ZMYND8: variants seen among roughly 807,000 people sequenced by gnomAD.
ZMYND8 encodes the protein zinc finger MYND-type containing 8.
Under a neutral mutation model 140.8 loss-of-function variants are expected in ZMYND8, and 37 were observed. The observed-to-expected ratio is 0.26, with a 90% CI of 0.20 to 0.35. ZMYND8 has a LOEUF of 0.35. Among genes scored for constraint, ZMYND8 ranks in the 10% least tolerant of loss-of-function variants. ZMYND8 has a pLI of 1.00. For synonymous variants in ZMYND8, 592 were observed against 597.1 expected (o/e 0.99, Z 0.12); for missense variants, 1,068 against 1,570.0 (o/e 0.68, Z 5.40).
chr20:47,210,512 T>C lies in ZMYND8; in HGVS notation c.*249A>G. On this transcript the variant is annotated 3_prime_UTR_variant, in exon 23 of 23. Transcript: ENST00000471951. ...AAAGGGGAAAGTCCTCTAGATTCAATGACATCCACAAATTGTACATTATTT... is the reference window on the plus strand; with the variant it reads ...AAAGGGGAAAGTCCTCTAGATTCAACGACATCCACAAATTGTACATTATTT... 1 of 416,376 alleles carries C rather than the reference T, an allele frequency of 2.4e-6. No homozygotes were observed. The highest frequency in any genetic ancestry group is 4.4e-6 in the Non-Finnish European group (1 of 228,046). 25.8% of individuals were successfully genotyped at this position (416,376 alleles called of 1,614,324 possible).
chr20:47,313,436 C>T (rs1006450930), intron 2 of ZMYND8, among the ~76,000 whole-genome samples: 3 of 151,296 alleles, frequency 2.0e-5, no homozygotes, highest in Non-Finnish European at 4.4e-5. Context: ...TCCTGGCTAA[C>T]ATGGTGAAAC....
intron 12 of ZMYND8, among the ~76,000 whole-genome samples, chr20:47,251,243 G>C (rs1288894432): frequency 6.6e-6 from 1 of 152,112 alleles, no homozygotes; most frequent in Admixed American, 6.6e-5. Flanking sequence ...ACTAGAGACA[G>C]GACTGCAGAC....
chr20:47,273,183 G>A (rs56238978), intron 11 of ZMYND8, among the ~76,000 whole-genome samples: 7 of 152,352 alleles, frequency 4.6e-5, no homozygotes, highest in Non-Finnish European at 7.4e-5. Flanking sequence ...ACCTGTTCCT[G>A]AGGGGCCTGC....
chr20:47,330,985 A>G (rs893165079), intron 2 of ZMYND8, among the ~76,000 whole-genome samples: 3 of 152,234 alleles, frequency 2.0e-5, no homozygotes, highest in African/African-American at 7.2e-5. Context: ...GGGGACCTTC[A>G]AGGTATGGGC....
intron 14 of ZMYND8, 93 bp downstream of exon 14, chr20:47,245,915 T>C: frequency 1.3e-6 from 2 of 1,500,484 alleles, no homozygotes; most frequent in African/African-American, 2.8e-5. Context: ...TTCTGATTTG[T>C]TTCTTTAAGG....
At chr20:47,274,352 T>C (rs571716357) in intron 11 of ZMYND8, among the ~76,000 whole-genome samples, 3 of 152,368 alleles carry the variant, frequency 2.0e-5, no homozygotes, top group African/African-American at 7.2e-5. Context: ...GCATTACAAT[T>C]TTCATATTTA....
At chr20:47,265,682 A>T (rs2075469384) in intron 11 of ZMYND8, among the ~76,000 whole-genome samples, 1 of 152,106 alleles carries the variant, frequency 6.6e-6, no homozygotes, top group Admixed American at 6.6e-5. Flanking sequence ...ACCTCAGGTG[A>T]CCCACCCACC....
rs760894959 is a variant in ZMYND8, at chr20:47,276,491, C to T, written c.1303G>A (p.Val435Met). The T allele has an allele frequency of 6.2e-7, 1 of 1,613,974 alleles. No individual in the cohort carries two copies. The highest frequency in any genetic ancestry group is 8.5e-7 in the Non-Finnish European group (1 of 1,180,030). ...CGGCGGCCTGTGCCCCCACTCAGCA[C>T]AGGCTTGCTCATCAGGATCTTGGGG... ...ASPKILMSKP[V>M]LSGGTGRRIS... Residue 435 changes from valine to methionine, a missense_variant, in exon 11 of 23, where the codon GTG becomes ATG. By Grantham distance (21) the Val-to-Met change is conservative. This residue lies in a region of ZMYND8 where 173 missense variants were observed against 223.3 expected (regional missense o/e 0.77). Transcript: ENST00000471951.
intron 8 of ZMYND8, chr20:47,285,937 TCC>T (rs2076892055): frequency 9.8e-6 from 7 of 716,816 alleles, no homozygotes; most frequent in Non-Finnish European, 1.2e-5. Flanking sequence ...AGGCCTATAT[TCC>T]CAGCGTCTTT....
chr20:47,310,309 C>T, intron 2 of ZMYND8, 105 bp from the exon 3 acceptor site: 6 of 1,341,594 alleles, frequency 4.5e-6, no homozygotes, highest in Non-Finnish European at 5.1e-6. Flanking sequence ...TGCATTCTGT[C>T]CCCCAACTCC....
chr20:47,292,570 T>C (rs984289652), intron 5 of ZMYND8, among the ~76,000 whole-genome samples: 7 of 152,162 alleles, frequency 4.6e-5, no homozygotes, highest in African/African-American at 1.7e-4. Context: ...TATCATCTCT[T>C]CAAAATTTCA....
At chr20:47,251,392 G>A (rs946491957) in intron 12 of ZMYND8, among the ~76,000 whole-genome samples, 6 of 151,906 alleles carry the variant, frequency 3.9e-5, no homozygotes, top group African/African-American at 1.2e-4. Context: ...TCGAGACCAG[G>A]CTGGGCAACA....
At position 47,246,465 on chromosome 20, in the gene ZMYND8, C is replaced by A; in HGVS notation, c.1827G>T (p.Ser609=). The stretch of plus-strand genomic sequence containing the variant: ...TACTATCTGACTTCTCAGAATCCTC[C>A]GAATCGCTGTGCTCTACGGCCGTAT... ...DVYTAVEHSD[S]EDSEKSDSSD... is the part of the protein sequence containing the mutation. The change falls in exon 14 of 23, where the codon TCG becomes TCT. Residue 609 remains serine (S), a synonymous_variant. Transcript: ENST00000471951. 3.7e-6 allele frequency: 6 copies of A among 1,613,556 alleles called. No homozygotes were observed. The highest frequency in any genetic ancestry group is 5.1e-6 in the Non-Finnish European group (6 of 1,180,006).
At chr20:47,282,900 A>G (rs1159881181) in intron 9 of ZMYND8, among the ~76,000 whole-genome samples, 1 of 152,180 alleles carries the variant, frequency 6.6e-6, no homozygotes, top group African/African-American at 2.4e-5. Flanking sequence ...CTAGCATCTA[A>G]TAAGGGGCAG....
chr20:47,229,305 T>A (rs2038156172), intron 17 of ZMYND8, among the ~76,000 whole-genome samples: 1 of 151,940 alleles, frequency 6.6e-6, no homozygotes, highest in South Asian at 2.1e-4. Flanking sequence ...GCCAATGAAA[T>A]GTCTTAACCA....
intron 12 of ZMYND8, among the ~76,000 whole-genome samples, chr20:47,256,191 C>A (rs1438183508): frequency 6.6e-6 from 1 of 151,194 alleles, no homozygotes; most frequent in Non-Finnish European, 1.5e-5. Context: ...GACAAAAGAC[C>A]CTAGCTGGCC....
At chr20:47,311,385 C>G (rs1264171735) in intron 2 of ZMYND8, among the ~76,000 whole-genome samples, 3 of 152,112 alleles carry the variant, frequency 2.0e-5, no homozygotes, top group Non-Finnish European at 2.9e-5. Flanking sequence ...CCGAGGCAGG[C>G]GGATCACCTG....
At chr20:47,335,261 A>C (rs1000382353) in intron 2 of ZMYND8, among the ~76,000 whole-genome samples, 18 of 152,066 alleles carry the variant, frequency 1.2e-4, no homozygotes, top group Admixed American at 1.3e-4. Context: ...AACAAACAAA[A>C]AAAAAGGAGA....
chr20:47,302,649 G>A lies in ZMYND8; in HGVS notation c.235-3702C>T, dbSNP rs1021160638. On this transcript the variant is annotated intron_variant, in intron 3 of 22. Transcript: ENST00000471951. Reference sequence around the variant, plus strand: ...GTTACTTGGTTAAAGATATTTATCTGACCTTGGAGCCCAGAGCAAAGACTC... The same window carrying A: ...GTTACTTGGTTAAAGATATTTATCTAACCTTGGAGCCCAGAGCAAAGACTC... Among the ~76,000 whole-genome samples, 4 of 152,128 alleles carry A rather than the reference G, an allele frequency of 2.6e-5. No individual in the cohort carries two copies. The South Asian group carries it at 6.2e-4, about 24-fold the overall frequency.
Sources: allele counts gnomAD v4.1 joint callset (sites outside exome capture counted in the v4.1 genomes callset), GRCh38; gene constraint gnomAD v4.1.1; regional missense constraint gnomAD v4.1.1; transcripts MANE v1.5; gene names NCBI Gene and HGNC (gene_info 2026-07-23, HGNC 2026-07-21).